Variants in BIRC3 observed in about 807,000 individuals in gnomAD.
BIRC3 encodes the protein baculoviral IAP repeat containing 3.
In BIRC3, 26 loss-of-function variants were observed where a neutral mutation model predicts 59.0. That is an observed-to-expected ratio of 0.44 (90% confidence interval 0.32 to 0.61). The LOEUF is 0.61. Among genes scored for constraint, BIRC3 ranks in the 20% least tolerant of loss-of-function variants. BIRC3 has a pLI of 0.04. For synonymous variants in BIRC3, 243 were observed against 249.2 expected, an observed-to-expected ratio of 0.98 and a Z score of 0.24; for missense variants, 641 against 711.5, an observed-to-expected ratio of 0.90 and a Z score of 1.13.
At position 102,336,037 on chromosome 11, in the gene BIRC3, G is replaced by C. The variant is rs1037418239; in HGVS notation, c.1396G>C (p.Asp466His). 14 of 1,613,490 alleles carry C rather than the reference G, an allele frequency of 8.7e-6. No individual in the cohort carries two copies. Among genetic ancestry groups the C allele is most frequent in the Non-Finnish European group, 1.1e-5 (13 of 1,179,690 alleles). The change falls in exon 7 of 9, where the codon GAT becomes CAT. Residue 466 changes from aspartate (D) to histidine (H), a missense_variant. Physicochemically the swap from Asp to His is moderately conservative, Grantham distance 81. This residue lies in a region of BIRC3 where 268 missense variants were observed against 255.7 expected (regional missense o/e 1.05). Transcript: ENST00000263464. ...QHLTCVIPIL[D>H]SLLTAGIINE... is the part of the protein sequence containing the mutation. ...TTTGACTTGTGTAATTCCAATCCTG[G>C]ATAGTCTACTAACTGCCGGAATTAT...
rs1352542953 is a variant in BIRC3, at chr11:102,324,192, T to A, written c.-318T>A. 1.2e-5 allele frequency: 3 copies of A among 248,192 alleles called. No individual in the cohort carries two copies. Among genetic ancestry groups the A allele is most frequent in the African/African-American group, 6.6e-5 (3 of 45,458 alleles). 15.4% of individuals were successfully genotyped at this position (248,192 alleles called of 1,614,324 possible). On this transcript the variant is annotated 5_prime_UTR_variant, in exon 2 of 9. It removes an upstream start codon present in the reference 5' UTR. Coordinates refer to ENST00000263464, the MANE Select transcript of BIRC3 (RefSeq NM_001165.5). ...ACCTGTGGAGATGCCTGCCATTAAA[T>A]GGCATCCTGATGGCTTAATACACAT...
intron 1 of BIRC3, among the ~76,000 whole-genome samples, chr11:102,319,516 G>C (rs1433658831): frequency 6.6e-6 from 1 of 152,186 alleles, no homozygotes; most frequent in African/African-American, 2.4e-5. Flanking sequence ...GATCCCATAA[G>C]GGGGCAAGTC....
chr11:102,325,743 G>A (rs530168731), intron 3 of BIRC3, among the ~76,000 whole-genome samples, 178 bp downstream of exon 3: 11 of 151,956 alleles, frequency 7.2e-5, no homozygotes, highest in Non-Finnish European at 1.3e-4. Context: ...TTAAGACAAC[G>A]AAGAAATAGA....
chr11:102,328,451 T>C (rs1951105842), intron 4 of BIRC3, among the ~76,000 whole-genome samples: 1 of 152,128 alleles, frequency 6.6e-6, no homozygotes, highest in Non-Finnish European at 1.5e-5. Context: ...AGAAAGAGAA[T>C]TTTATTGCTT....
chr11:102,332,272 A>G (rs1241937184), intron 6 of BIRC3, among the ~76,000 whole-genome samples: 2 of 152,366 alleles, frequency 1.3e-5, no homozygotes, highest in East Asian at 3.9e-4. Context: ...TTTCCCAAGC[A>G]TGGACCAGAC....
intron 6 of BIRC3, 107 bp from the exon 7 acceptor site, chr11:102,335,859 C>T: frequency 8.5e-7 from 1 of 1,175,572 alleles, no homozygotes; most frequent in South Asian, 1.6e-5. Context: ...CAATGCCTTA[C>T]TGATTACGAA....
chr11:102,336,642 T>G (rs1183401984), intron 7 of BIRC3, 118 bp from the exon 8 acceptor site: 1 of 944,270 alleles, frequency 1.1e-6, no homozygotes, highest in Admixed American at 2.6e-5. Context: ...ATTAAAGACT[T>G]CTGTTGCCTT....
Position 102,337,139 on chromosome 11 carries a change from T to C in BIRC3, c.*37T>C. 1 of 1,363,630 alleles carries C rather than the reference T, an allele frequency of 7.3e-7. No homozygotes were observed. The highest frequency in any genetic ancestry group is 9.6e-7 in the Non-Finnish European group (1 of 1,045,990). The allele number at this position is 1,363,630 out of a possible 1,614,324, so 84.5% of individuals were successfully genotyped here. A position where few individuals can be genotyped will look rare whatever the true frequency, so the allele number is the denominator to read the frequency against. Reference sequence around the variant, plus strand: ...AACATCGTCTAAACTTTAGAATTAATTTATTAAATGTATTATAACTTTAAC... The same window carrying C: ...AACATCGTCTAAACTTTAGAATTAACTTATTAAATGTATTATAACTTTAAC... On this transcript the variant is annotated 3_prime_UTR_variant, in exon 9 of 9. Transcript: ENST00000263464.
intron 1 of BIRC3, 136 bp downstream of exon 1, chr11:102,317,707 G>T (rs1199731008): frequency 6.5e-6 from 1 of 152,862 alleles, no homozygotes; most frequent in African/African-American, 2.4e-5. Flanking sequence ...AGAGCCCGGG[G>T]CGCTGCAGAG....
intron 1 of BIRC3, among the ~76,000 whole-genome samples, chr11:102,318,676 T>C (rs1339679872): frequency 1.3e-5 from 2 of 151,848 alleles, no homozygotes; most frequent in African/African-American, 4.8e-5. Context: ...ACTGGGGAGG[T>C]TGCCTTCTTG....
At chr11:102,317,855 G>C (rs1400262806) in intron 1 of BIRC3, among the ~76,000 whole-genome samples, 3 of 152,202 alleles carry the variant, frequency 2.0e-5, no homozygotes, top group Non-Finnish European at 2.9e-5. Context: ...ATTTTGATTC[G>C]GTTGCCAAGA....
chr11:102,319,207 C>A (rs1951005786), intron 1 of BIRC3, among the ~76,000 whole-genome samples: 1 of 141,366 alleles, frequency 7.1e-6, no homozygotes, highest in African/African-American at 2.5e-5. Flanking sequence ...CCACACCCGG[C>A]TAATTTTTTG....
intron 6 of BIRC3, among the ~76,000 whole-genome samples, chr11:102,333,389 C>G (rs1565324689): frequency 6.6e-6 from 1 of 151,590 alleles, no homozygotes; most frequent in South Asian, 2.1e-4. Context: ...ATAGCAAAAC[C>G]CTGTCTGTAT....
In BIRC3 at chr11:102,323,464, C is replaced by T. The variant is rs1417463627; in HGVS notation, c.-1046C>T. ...AAAAAAACTTAACATTGAGTTGCTT[C>T]AACAGCATGAAACTGAGTCCAAAAG... On this transcript the variant is annotated 5_prime_UTR_variant, in exon 2 of 9. Coordinates refer to ENST00000263464, the MANE Select transcript of BIRC3 (RefSeq NM_001165.5). 2 of 188,466 alleles carry T rather than the reference C, an allele frequency of 1.1e-5. No individual in the cohort carries two copies. The highest frequency in any genetic ancestry group is 1.7e-4 in the East Asian group (2 of 11,728). 11.7% of individuals were successfully genotyped at this position (188,466 alleles called of 1,614,324 possible).
In BIRC3 at chr11:102,323,385, C is replaced by G. The variant is rs1263078002; in HGVS notation, c.-1125C>G. 1 of 192,678 alleles carries G rather than the reference C, an allele frequency of 5.2e-6. No homozygotes were observed. The highest frequency in any genetic ancestry group is 2.3e-5 in the African/African-American group (1 of 43,126). 11.9% of individuals were successfully genotyped at this position (192,678 alleles called of 1,614,324 possible). On this transcript the variant is annotated 5_prime_UTR_variant, in exon 2 of 9. Coordinates refer to ENST00000263464, the MANE Select transcript of BIRC3 (RefSeq NM_001165.5). ...AGTCTCTTTTTGCAGCACCTGTTGTCTACCATAATTACAGAGGACATTTCC... is the reference window on the plus strand; with the variant it reads ...AGTCTCTTTTTGCAGCACCTGTTGTGTACCATAATTACAGAGGACATTTCC...
At chr11:102,333,109 T>G (rs969831004) in intron 6 of BIRC3, among the ~76,000 whole-genome samples, 3 of 151,912 alleles carry the variant, frequency 2.0e-5, no homozygotes, top group Non-Finnish European at 4.4e-5. Context: ...GCCTCACCAT[T>G]ATATATATAT....
At chr11:102,334,903 AT>A (rs1033782957) in intron 6 of BIRC3, among the ~76,000 whole-genome samples, 4 of 152,188 alleles carry the variant, frequency 2.6e-5, no homozygotes, top group African/African-American at 9.7e-5. Flanking sequence ...AATATGTCTA[AT>A]TTCTGGAAAT....
At position 102,325,307 on chromosome 11, in the gene BIRC3, C is replaced by T. The variant is rs181325614; in HGVS notation, c.798C>T (p.Pro266=). 1.1e-4 allele frequency: 183 copies of T among 1,613,854 alleles called. No individual in the cohort carries two copies. The East Asian group carries it at 4.0e-3, about 35-fold the overall frequency. Reference sequence around the variant, plus strand: ...GCTTTAAAACATTCTTTAACTGGCCCTCTAGTGTTCTAGTTAATCCTGAGC... The same window carrying T: ...GCTTTAAAACATTCTTTAACTGGCCTTCTAGTGTTCTAGTTAATCCTGAGC... ...AARFKTFFNW[P]SSVLVNPEQL... Residue 266 remains proline (P), a synonymous_variant, in exon 2 of 9, where the codon CCC becomes CCT. Coordinates refer to ENST00000263464, the MANE Select transcript of BIRC3 (RefSeq NM_001165.5).
At chr11:102,328,525 T>C (rs1174849594) in intron 4 of BIRC3, among the ~76,000 whole-genome samples, 1 of 150,756 alleles carries the variant, frequency 6.6e-6, no homozygotes, top group East Asian at 1.9e-4. Context: ...ATCCTAGCCA[T>C]GAGCAATGAA....
Sources: allele counts gnomAD v4.1 joint callset (sites outside exome capture counted in the v4.1 genomes callset), GRCh38; gene constraint gnomAD v4.1.1; regional missense constraint gnomAD v4.1.1; transcripts MANE v1.5; gene names NCBI Gene and HGNC (gene_info 2026-07-23, HGNC 2026-07-21).